PNPLA6: variants seen among roughly 807,000 people sequenced by gnomAD.
PNPLA6 encodes patatin like domain 6, lysophospholipase.
PNPLA6 carries 105 observed loss-of-function variants against 153.7 expected under a neutral mutation model. That is an observed-to-expected ratio of 0.68 (90% confidence interval 0.58 to 0.80). The LOEUF (loss-of-function observed/expected upper bound fraction) is 0.80, where lower values mean the gene tolerates loss of function less well. Ranked by LOEUF, PNPLA6 falls within the 30% of genes least tolerant of loss-of-function variation. The pLI is 0.00. For missense variants in PNPLA6, 1,423 were observed against 1,919.3 expected (o/e 0.74, Z 4.83); for synonymous variants, 825 against 822.2 (o/e 1.00, Z -0.06).
At chr19:7,534,496 C>T (rs2146032794), upstream of PNPLA6, 1 of 156,310 alleles carries the variant, frequency 6.4e-6, no homozygotes, top group East Asian at 1.9e-4. Flanking sequence ...CCCGAATTTC[C>T]ATTAATATTC....
intron 16 of PNPLA6, 68 bp from the exon 17 acceptor site, chr19:7,550,926 C>CT (rs1342634395): frequency 8.2e-7 from 1 of 1,224,898 alleles, no homozygotes; most frequent in Non-Finnish European, 1.2e-6. Flanking sequence ...GTACAGCCCC[C>CT]TTTCCACCCA....
At position 7,540,623 on chromosome 19, in the gene PNPLA6, G is replaced by A. The variant is rs968016597; in HGVS notation, c.715-7G>A. The A allele has an allele frequency of 2.5e-6, 4 of 1,611,846 alleles. No individual in the cohort carries two copies. The highest frequency in any genetic ancestry group is 3.3e-4 in the Middle Eastern group (2 of 6,060). ...CCACTGAGGGTCCACGGTCTCCTGT[G>A]TCTCAGGACGGGAAGGAGTGTGTGG... On this transcript the variant is annotated splice_polypyrimidine_tract_variant and splice_region_variant and intron_variant, in intron 5 of 31. Transcript: ENST00000600737. The surrounding 1 kb of genome is among the most constrained non-coding windows in gnomAD (Gnocchi z 6.8).
chr19:7,541,746 G>T lies in PNPLA6; in HGVS notation c.1168+62G>T. The T allele has an allele frequency of 6.6e-7, 1 of 1,517,654 alleles. No homozygotes were observed. Among genetic ancestry groups the T allele is most frequent in the Non-Finnish European group, 8.9e-7 (1 of 1,127,568 alleles). The allele number at this position is 1,517,654 out of a possible 1,614,324, so 94.0% of individuals were successfully genotyped here. A position where few individuals can be genotyped will look rare whatever the true frequency, so the allele number is the denominator to read the frequency against. ...CCAGGAAGCCCCGTCTCAGCCGCCAGCCCCTTTTTCAGTTCTGCATAGAGT... is the reference window on the plus strand; with the variant it reads ...CCAGGAAGCCCCGTCTCAGCCGCCATCCCCTTTTTCAGTTCTGCATAGAGT... On this transcript the variant is annotated intron_variant, in intron 9 of 31. Coordinates refer to ENST00000600737, the MANE Select transcript of PNPLA6 (RefSeq NM_001166114.2). This position sits in a 1 kb window ranked among gnomAD's most constrained non-coding sequence, Gnocchi z 5.2.
At chr19:7,557,353 C>T (rs2023927931) in intron 27 of PNPLA6, 69 bp downstream of exon 27, 10 of 972,570 alleles carry the variant, frequency 1.0e-5, no homozygotes, top group South Asian at 9.2e-5. Flanking sequence ...CACGCGTGGG[C>T]ACACACAGAC....
Position 7,555,066 on chromosome 19 carries a change from T to G in PNPLA6, c.2808T>G (p.Pro936=). ...CPRRLFSRRS[P]AKLHELYEKV... ...GCCGCCTCTTTTCGCGCCGCAGCCCTGCCAAGCTGGTGAGGAGCGGGCCGG... is the reference window on the plus strand; with the variant it reads ...GCCGCCTCTTTTCGCGCCGCAGCCCGGCCAAGCTGGTGAGGAGCGGGCCGG... Residue 936 remains proline, a synonymous_variant, in exon 22 of 32, where the codon CCT becomes CCG. Transcript: ENST00000600737. The surrounding 1 kb of genome is among the most constrained non-coding windows in gnomAD (Gnocchi z 6.3). 1 of 1,593,500 alleles carries G rather than the reference T, an allele frequency of 6.3e-7. No individual in the cohort carries two copies. Among genetic ancestry groups the G allele is most frequent in the Non-Finnish European group, 8.5e-7 (1 of 1,178,142 alleles).
chr19:7,555,616 G>A lies in PNPLA6; in HGVS notation c.2946G>A (p.Ser982=), dbSNP rs561582151. 1.7e-5 allele frequency: 27 copies of A among 1,611,824 alleles called. No individual in the cohort carries two copies. In the East Asian group the frequency reaches 4.9e-4, roughly 29 times the overall value. Residue 982 remains serine, a synonymous_variant, in exon 24 of 32, where the codon TCG becomes TCA. Coordinates refer to ENST00000600737, the MANE Select transcript of PNPLA6 (RefSeq NM_001166114.2). This position sits in a 1 kb window ranked among gnomAD's most constrained non-coding sequence, Gnocchi z 6.3. ...CCCATTTTCCCGGCAGGGGCTGCTC[G>A]CACATCGGAGTACTAAAGGCATTAG... ...VLGGGGARGC[S]HIGVLKALEE... is the part of the protein sequence containing the mutation.
intron 27 of PNPLA6, among the ~76,000 whole-genome samples, chr19:7,557,744 A>G (rs1185733010): frequency 1.4e-5 from 2 of 147,526 alleles, no homozygotes; most frequent in East Asian, 4.0e-4. Context: ...AGATCATGCT[A>G]CTGCACTCCA....
intron 13 of PNPLA6, among the ~76,000 whole-genome samples, chr19:7,544,997 G>A (rs2023324406): frequency 6.6e-6 from 1 of 151,614 alleles, no homozygotes. Context: ...TTTTGTTAGG[G>A]ACCCTGTGCT....
At chr19:7,539,533 G>A (rs570836130) in intron 3 of PNPLA6, among the ~76,000 whole-genome samples, 23 of 150,852 alleles carry the variant, frequency 1.5e-4, no homozygotes, top group African/African-American at 3.2e-4. Flanking sequence ...CGAGTCGGGC[G>A]GATCACCTGA....
At position 7,561,641 on chromosome 19, in the gene PNPLA6, C is replaced by A. The variant is rs144903832; in HGVS notation, c.*79C>A. 5.2e-6 allele frequency: 5 copies of A among 965,894 alleles called. No homozygotes were observed. Among genetic ancestry groups the A allele is most frequent in the African/African-American group, 1.6e-5 (1 of 62,310 alleles). The allele number at this position is 965,894 out of a possible 1,614,324, so 59.8% of individuals were successfully genotyped here. A position where few individuals can be genotyped will look rare whatever the true frequency, so the allele number is the denominator to read the frequency against. ...GGCCCCGTGGGGGTAGCTCACTCCCCCTCCTGCTGCTATGCCTGTGACCCC... is the reference window on the plus strand; with the variant it reads ...GGCCCCGTGGGGGTAGCTCACTCCCACTCCTGCTGCTATGCCTGTGACCCC... On this transcript the variant is annotated 3_prime_UTR_variant, in exon 32 of 32. Transcript: ENST00000600737.
At chr19:7,536,388 G>A (rs2022871333) in intron 2 of PNPLA6, 61 bp from the exon 3 acceptor site, 3 of 1,423,172 alleles carry the variant, frequency 2.1e-6, no homozygotes, top group South Asian at 1.1e-5. Context: ...CCCTGGATCC[G>A]TCTGCCTCTT....
At position 7,550,130 on chromosome 19, in the gene PNPLA6, T is replaced by TG; in HGVS notation, c.1814+20dup. ...TTCTATGAGTATGACAGCCCGAAGTTGGAGTGTGGGTGGCACTCGGAGGAC... is the reference window on the plus strand; with the variant it reads ...TTCTATGAGTATGACAGCCCGAAGTTGGGAGTGTGGGTGGCACTCGGAGGAC... On this transcript the variant is annotated intron_variant, in intron 14 of 31. Coordinates refer to ENST00000600737, the MANE Select transcript of PNPLA6 (RefSeq NM_001166114.2). 4.3e-6 allele frequency: 7 copies of TG among 1,613,830 alleles called. No homozygotes were observed. Among genetic ancestry groups the TG allele is most frequent in the Non-Finnish European group, 5.9e-6 (7 of 1,179,916 alleles).
upstream of PNPLA6, chr19:7,535,192 G>A (rs2022790453): frequency 2.0e-6 from 1 of 502,936 alleles, no homozygotes; most frequent in Non-Finnish European, 3.6e-6. This position sits in a 1 kb window ranked among gnomAD's most constrained non-coding sequence, Gnocchi z 5.0. Flanking sequence ...CCTGCCTGCA[G>A]GCTGCTGACA....
chr19:7,548,553 C>T (rs2023486979), intron 13 of PNPLA6, among the ~76,000 whole-genome samples: 1 of 152,044 alleles, frequency 6.6e-6, no homozygotes, highest in Admixed American at 6.6e-5. Flanking sequence ...CTTATAATAC[C>T]TAATACAATG....
intron 3 of PNPLA6, among the ~76,000 whole-genome samples, chr19:7,539,492 C>T (rs2023022474): frequency 6.8e-6 from 1 of 148,044 alleles, no homozygotes; most frequent in Admixed American, 6.8e-5. Context: ...GGCACAGTGG[C>T]TCACACCTTT....
intron 27 of PNPLA6, among the ~76,000 whole-genome samples, chr19:7,557,756 C>T (rs867072614): frequency 6.9e-6 from 1 of 144,102 alleles, no homozygotes; most frequent in Non-Finnish European, 1.5e-5. Flanking sequence ...TGCACTCCAG[C>T]CTGGGCGACA....
In PNPLA6 at chr19:7,540,525, C is replaced by A; in HGVS notation, c.715-105C>A. 1 of 1,106,212 alleles carries A rather than the reference C, an allele frequency of 9.0e-7. No individual in the cohort carries two copies. Among genetic ancestry groups the A allele is most frequent in the Non-Finnish European group, 1.4e-6 (1 of 721,700 alleles). The allele number at this position is 1,106,212 out of a possible 1,614,324, so 68.5% of individuals were successfully genotyped here. The stretch of plus-strand genomic sequence containing the variant: ...TCGTTGGAAGGGTTGGTGGGTTCCC[C>A]TGAGAAGGGATGAGAAGTGTCAGTG... On this transcript the variant is annotated intron_variant, in intron 5 of 31. Coordinates refer to ENST00000600737, the MANE Select transcript of PNPLA6 (RefSeq NM_001166114.2). The surrounding 1 kb of genome is among the most constrained non-coding windows in gnomAD (Gnocchi z 6.8).
intron 27 of PNPLA6, among the ~76,000 whole-genome samples, chr19:7,558,185 G>A (rs2023965474): frequency 6.6e-6 from 1 of 152,196 alleles, no homozygotes; most frequent in Non-Finnish European, 1.5e-5. Flanking sequence ...TGAGAAGCGG[G>A]CAGGTACACA....
chr19:7,535,257 GGTAGGCCCTACGC>G, upstream of PNPLA6: 1 of 580,278 alleles, frequency 1.7e-6, no homozygotes, highest in East Asian at 2.9e-5. The surrounding 1 kb of genome is among the most constrained non-coding windows in gnomAD (Gnocchi z 5.0). Context: ...GCGGGCGTCT[GGTAGGCCCTACGC>G]GTAGGCGAAG....
Sources: allele counts gnomAD v4.1 joint callset (sites outside exome capture counted in the v4.1 genomes callset), GRCh38; gene constraint gnomAD v4.1.1; non-coding constraint Gnocchi (gnomAD v3.1); transcripts MANE v1.5; gene names NCBI Gene and HGNC (gene_info 2026-07-23, HGNC 2026-07-21).